MYO9B: variants seen among roughly 807,000 people sequenced by gnomAD.
MYO9B encodes the protein myosin IXB.
In MYO9B, 71 loss-of-function variants were observed where a neutral mutation model predicts 229.5. The ratio of observed to expected loss-of-function variants is 0.31; its 90% confidence interval spans 0.26 to 0.38. MYO9B has a LOEUF of 0.38. Ranked by LOEUF, MYO9B falls within the 10% of genes least tolerant of loss-of-function variation. MYO9B has a pLI of 1.00. For missense variants in MYO9B, 2,255 were observed against 2,920.5 expected, an observed-to-expected ratio of 0.77 and a Z score of 5.25; for synonymous variants, 1,185 against 1,235.8, an observed-to-expected ratio of 0.96 and a Z score of 0.86.
chr19:17,211,533 G>A (rs2073229138), intron 38 of MYO9B, 114 bp from the exon 39 acceptor site: 2 of 972,988 alleles, frequency 2.1e-6, no homozygotes, highest in Admixed American at 3.0e-5. Flanking sequence ...CTTGGGGTGG[G>A]GGGAGGTTGG....
At chr19:17,203,375 G>A (rs1239845345) in intron 30 of MYO9B, 117 bp downstream of exon 30, 3 of 713,304 alleles carry the variant, frequency 4.2e-6, no homozygotes, top group Admixed American at 2.9e-5. Flanking sequence ...AGCACTTTGG[G>A]AGGCCGAGGC....
intron 1 of MYO9B, among the ~76,000 whole-genome samples, chr19:17,087,569 G>C (rs1466617051): frequency 6.6e-6 from 1 of 152,176 alleles, no homozygotes; most frequent in Non-Finnish European, 1.5e-5. Context: ...TGGGCAACTG[G>C]ATTCATGTCC....
At chr19:17,180,089 C>T (rs916300203) in intron 14 of MYO9B, among the ~76,000 whole-genome samples, 79 of 148,890 alleles carry the variant, frequency 5.3e-4, no homozygotes, top group African/African-American at 1.8e-3. Context: ...AAAAATTAGC[C>T]GGGCATGGTG....
intron 1 of MYO9B, among the ~76,000 whole-genome samples, chr19:17,098,558 C>T (rs2057714464): frequency 6.6e-6 from 1 of 152,182 alleles, no homozygotes; most frequent in South Asian, 2.1e-4. Flanking sequence ...GCATTTATGG[C>T]TCTTGATCCA....
chr19:17,186,788 T>TG (rs1389405195), intron 18 of MYO9B, among the ~76,000 whole-genome samples: 1 of 152,142 alleles, frequency 6.6e-6, no homozygotes, highest in East Asian at 1.9e-4. Context: ...TGGAGTACAG[T>TG]GGTGCGATCT....
At chr19:17,104,239 T>C (rs1305538636) in intron 2 of MYO9B, among the ~76,000 whole-genome samples, 1 of 151,962 alleles carries the variant, frequency 6.6e-6, no homozygotes, top group Non-Finnish European at 1.5e-5. Flanking sequence ...ACGGCAGGCC[T>C]GGGGGTTAAG....
chr19:17,118,447 A>G (rs1442695117), intron 2 of MYO9B, among the ~76,000 whole-genome samples: 1 of 151,778 alleles, frequency 6.6e-6, no homozygotes, highest in East Asian at 1.9e-4. Context: ...TATTTTTTAA[A>G]ATTTTTTAAA....
intron 1 of MYO9B, among the ~76,000 whole-genome samples, chr19:17,079,232 A>T (rs1007625272): frequency 6.6e-6 from 1 of 152,182 alleles, no homozygotes. Flanking sequence ...GGAGCCCCTG[A>T]GGAACTGCCA....
rs1383019633 is a variant in MYO9B, at chr19:17,101,109, C to T, written c.-58-551C>T. Among the ~76,000 whole-genome samples, 4 of 149,344 alleles carry T rather than the reference C, an allele frequency of 2.7e-5. No homozygotes were observed. The highest frequency in any genetic ancestry group is 4.4e-4 in the South Asian group (2 of 4,574). Reference sequence around the variant, plus strand: ...GCCTCTGGATGGGGTGGGATGGGGGCTGGGATGGAGCAAACTCAGGGGAAG... The same window carrying T: ...GCCTCTGGATGGGGTGGGATGGGGGTTGGGATGGAGCAAACTCAGGGGAAG... On this transcript the variant is annotated intron_variant, in intron 1 of 39. Transcript: ENST00000682292. This position sits in a 1 kb window ranked among gnomAD's most constrained non-coding sequence, Gnocchi z 4.7.
chr19:17,197,966 A>G lies in MYO9B; in HGVS notation c.4113+108A>G. 3 of 1,457,074 alleles carry G rather than the reference A, an allele frequency of 2.1e-6. No individual in the cohort carries two copies. In the South Asian group the frequency reaches 3.5e-5, roughly 17 times the overall value. The allele number at this position is 1,457,074 out of a possible 1,614,324, so 90.3% of individuals were successfully genotyped here. A position where few individuals can be genotyped will look rare whatever the true frequency, so the allele number is the denominator to read the frequency against. ...CTACTCAGGAGGCTGAGGCGAGAGA[A>G]TCGCTTGAACGCAGTGGCAGGGTAG... On this transcript the variant is annotated intron_variant, in intron 23 of 39. Transcript: ENST00000682292.
At chr19:17,080,146 T>C (rs2057521731) in intron 1 of MYO9B, among the ~76,000 whole-genome samples, 1 of 152,220 alleles carries the variant, frequency 6.6e-6, no homozygotes, top group Admixed American at 6.5e-5. Context: ...TATCCTTGTC[T>C]GACTCACTTG....
rs372771002 is a variant in MYO9B at position 17,101,801 on chromosome 19, C to G, written c.84C>G (p.Thr28=). Residue 28 remains threonine, a synonymous_variant, in exon 2 of 40, where the codon ACC becomes ACG. Transcript: ENST00000682292. This position sits in a 1 kb window ranked among gnomAD's most constrained non-coding sequence, Gnocchi z 4.7. Reference sequence around the variant, plus strand: ...ACATCTACCCCCAGCTGTCCACCACCGAGAGCCAGGCCTCGTGCCGCGTGA... The same window carrying G: ...ACATCTACCCCCAGCTGTCCACCACGGAGAGCCAGGCCTCGTGCCGCGTGA... ...HLHIYPQLST[T]ESQASCRVTA... is the part of the protein sequence containing the mutation. 6.2e-7 allele frequency: 1 copy of G among 1,605,878 alleles called. No individual in the cohort carries two copies. The highest frequency in any genetic ancestry group is 2.2e-5 in the East Asian group (1 of 44,728).
At chr19:17,201,148 C>A (rs374669693) in intron 26 of MYO9B, among the ~76,000 whole-genome samples, 2 of 152,170 alleles carry the variant, frequency 1.3e-5, no homozygotes, top group African/African-American at 2.4e-5. Context: ...GCAGGAAGAT[C>A]GCTTGAGCCC....
At chr19:17,183,950 A>G (rs2072889483) in intron 16 of MYO9B, 82 bp downstream of exon 16, 3 of 1,340,440 alleles carry the variant, frequency 2.2e-6, no homozygotes, top group Non-Finnish European at 3.0e-6. Context: ...CACTTCTGCA[A>G]CTTCATTTCC....
At chr19:17,202,385 G>C in intron 28 of MYO9B, 82 bp downstream of exon 28, 1 of 1,363,804 alleles carries the variant, frequency 7.3e-7, no homozygotes, top group Admixed American at 2.1e-5. Context: ...GCCCACCCAT[G>C]CCTCACCATG....
chr19:17,205,164 A>AATG, intron 30 of MYO9B, 99 bp from the exon 31 acceptor site: 3 of 748,910 alleles, frequency 4.0e-6, no homozygotes, highest in African/African-American at 1.9e-5. Flanking sequence ...AAAAAAAAAA[A>AATG]AAGAAGGCAA....
chr19:17,207,488 T>C (rs2073175690), intron 35 of MYO9B: 2 of 262,062 alleles, frequency 7.6e-6, no homozygotes, highest in East Asian at 7.0e-5. Flanking sequence ...TGGAAATTTG[T>C]ATTTAAATAT....
rs1555702889 is a variant in MYO9B, at chr19:17,188,448, A to AAAAG, written c.2688+405_2688+406insAGAA. The stretch of plus-strand genomic sequence containing the variant: ...CATCTCAAAAAAAAAAAAAAAAAAA[A>AAAAG]AAGAAGAAACCCCTGCCTCATGCCA... On this transcript the variant is annotated intron_variant, in intron 19 of 39. Coordinates refer to ENST00000682292, the MANE Select transcript of MYO9B (RefSeq NM_004145.4). Among the ~76,000 whole-genome samples the AAAAG allele has an allele frequency of 1.1e-4, 13 of 122,234 alleles. No homozygotes were observed. In the East Asian group the frequency reaches 2.9e-3, roughly 27 times the overall value. The allele number at this position is 122,234 out of a possible 152,430, so 80.2% of individuals were successfully genotyped here.
chr19:17,155,888 T>G (rs2072531373), intron 6 of MYO9B, among the ~76,000 whole-genome samples: 1 of 151,850 alleles, frequency 6.6e-6, no homozygotes, highest in Admixed American at 6.6e-5. Context: ...TGCATGATGG[T>G]GCACGCCTGT....
Sources: gnomAD v4.1 joint callset for allele counts (sites outside exome capture counted in the v4.1 genomes callset) on GRCh38, gnomAD v4.1.1 for gene constraint, Gnocchi (gnomAD v3.1) non-coding constraint, MANE v1.5 for transcripts, NCBI Gene and HGNC (gene_info 2026-07-23, HGNC 2026-07-21) for gene names.